NDST4: variants seen among roughly 807,000 people sequenced by gnomAD.
NDST4 encodes the protein N-deacetylase and N-sulfotransferase 4, also known as N-heparan sulfate sulfotransferase 4.
In NDST4, 63 loss-of-function variants were observed where a neutral mutation model predicts 100.8. The observed-to-expected ratio is 0.62, with a 90% CI of 0.51 to 0.77. The LOEUF is 0.77. Among genes scored for constraint, NDST4 ranks in the 30% least tolerant of loss-of-function variants. NDST4 has a pLI of 0.00. For missense variants in NDST4, 943 were observed against 1,018.4 expected, an observed-to-expected ratio of 0.93 and a Z score of 1.01; for synonymous variants, 377 against 361.8, an observed-to-expected ratio of 1.04 and a Z score of -0.48.
Position 115,041,083 on chromosome 4 carries a change from G to T in NDST4, c.978+34976C>A, listed in dbSNP as rs954654263. Among the ~76,000 whole-genome samples the T allele has an allele frequency of 2.0e-5, 3 of 151,972 alleles. No homozygotes were observed. In the South Asian group the frequency reaches 6.2e-4, roughly 31 times the overall value. ...CCAGCTATTAAATGAAGAAATAATT[G>T]CAATGTCACTATTTCACAACCCCTA... On this transcript the variant is annotated intron_variant, in intron 2 of 13. Transcript: ENST00000264363.
intron 11 of NDST4, among the ~76,000 whole-genome samples, chr4:114,836,165 T>C (rs1462950942): frequency 6.6e-6 from 1 of 152,186 alleles, no homozygotes; most frequent in Non-Finnish European, 1.5e-5. Context: ...TGATGCTAGC[T>C]GGTTATTTTG....
At chr4:114,946,230 G>C (rs1311131373) in intron 4 of NDST4, among the ~76,000 whole-genome samples, 4 of 152,028 alleles carry the variant, frequency 2.6e-5, no homozygotes, top group Non-Finnish European at 4.4e-5. Context: ...CAATCAACAT[G>C]TCCAACACAT....
At chr4:114,864,901 A>G (rs1723992552) in intron 7 of NDST4, among the ~76,000 whole-genome samples, 1 of 152,126 alleles carries the variant, frequency 6.6e-6, no homozygotes, top group Non-Finnish European at 1.5e-5. Flanking sequence ...TGCTTTAGAC[A>G]CAAAATGTTT....
At chr4:114,887,568 A>G (rs1326606187) in intron 6 of NDST4, among the ~76,000 whole-genome samples, 1 of 152,038 alleles carries the variant, frequency 6.6e-6, no homozygotes, top group African/African-American at 2.4e-5. Context: ...ATAAGCATTG[A>G]TGTCTGCTTG....
chr4:114,865,265 A>C (rs1724003427), intron 7 of NDST4, among the ~76,000 whole-genome samples: 1 of 152,158 alleles, frequency 6.6e-6, no homozygotes, highest in African/African-American at 2.4e-5. Context: ...GGATTTCACC[A>C]TATTGGCCAG....
intron 6 of NDST4, among the ~76,000 whole-genome samples, chr4:114,871,666 A>G (rs1043675291): frequency 6.6e-6 from 1 of 152,096 alleles, no homozygotes; most frequent in Admixed American, 6.6e-5. Flanking sequence ...TTTAAAAAAT[A>G]CTAAATAAAA....
At chr4:114,927,319 G>A (rs1450989162) in intron 6 of NDST4, among the ~76,000 whole-genome samples, 1 of 151,748 alleles carries the variant, frequency 6.6e-6, no homozygotes, top group Non-Finnish European at 1.5e-5. Context: ...AGTACAAGAT[G>A]AACTATTAGA....
Position 114,873,054 on chromosome 4 carries a change from A to T in NDST4, c.1537-2104T>A, listed in dbSNP as rs183380416. Among the ~76,000 whole-genome samples the T allele has an allele frequency of 4.6e-3, 683 of 148,100 alleles. 1 individual carries two copies. Among genetic ancestry groups the T allele is most frequent in the African/African-American group, 0.016 (590 of 37,920 alleles). On this transcript the variant is annotated intron_variant, in intron 6 of 13. Coordinates refer to ENST00000264363, the MANE Select transcript of NDST4 (RefSeq NM_022569.3). Reference sequence around the variant, plus strand: ...TTTTCTTTTTAAATTGGAATGAAAAAAGAAAAAAATATTTTGGAAACCTTA... The same window carrying T: ...TTTTCTTTTTAAATTGGAATGAAAATAGAAAAAAATATTTTGGAAACCTTA...
At chr4:115,027,451 A>T (rs1728011338) in intron 2 of NDST4, among the ~76,000 whole-genome samples, 1 of 152,118 alleles carries the variant, frequency 6.6e-6, no homozygotes, top group Admixed American at 6.5e-5. Flanking sequence ...GTCACTGTAT[A>T]TTTGAGGTGA....
intron 2 of NDST4, among the ~76,000 whole-genome samples, chr4:115,027,006 C>T (rs1375664215): frequency 2.0e-5 from 3 of 152,090 alleles, no homozygotes; most frequent in Admixed American, 6.6e-5. Context: ...CTGTTTAACT[C>T]CCAGCTTGGG....
At chr4:115,094,213 T>C (rs1033619408) in intron 1 of NDST4, among the ~76,000 whole-genome samples, 2 of 152,110 alleles carry the variant, frequency 1.3e-5, no homozygotes, top group Admixed American at 1.3e-4. Flanking sequence ...TATTAAAATG[T>C]AAGGTTTAGA....
chr4:114,838,996 C>T (rs1345719249), intron 11 of NDST4, among the ~76,000 whole-genome samples: 4 of 152,006 alleles, frequency 2.6e-5, no homozygotes, highest in Non-Finnish European at 5.9e-5. Flanking sequence ...TGTGGTGTTT[C>T]GTAAAGTTGT....
intron 7 of NDST4, among the ~76,000 whole-genome samples, chr4:114,868,138 G>C (rs1183906404): frequency 6.6e-6 from 1 of 152,076 alleles, no homozygotes; most frequent in Non-Finnish European, 1.5e-5. Context: ...AATAATAGTT[G>C]ACTTAGTTTT....
intron 2 of NDST4, among the ~76,000 whole-genome samples, chr4:115,057,478 T>C (rs1041897990): frequency 6.6e-6 from 1 of 152,006 alleles, no homozygotes; most frequent in African/African-American, 2.4e-5. Flanking sequence ...CCCAGCAATA[T>C]AGCAACCCAT....
chr4:115,024,433 A>T (rs1177863708), intron 2 of NDST4, among the ~76,000 whole-genome samples: 1 of 146,276 alleles, frequency 6.8e-6, no homozygotes, highest in Non-Finnish European at 1.5e-5. Flanking sequence ...CTTCAGATTT[A>T]TAACTGATTT....
chr4:114,996,344 C>A (rs898780624), intron 2 of NDST4, among the ~76,000 whole-genome samples: 1 of 151,986 alleles, frequency 6.6e-6, no homozygotes, highest in Non-Finnish European at 1.5e-5. Flanking sequence ...TGAGTCCCCC[C>A]AAATCATGCA....
intron 1 of NDST4, among the ~76,000 whole-genome samples, chr4:115,080,637 A>T (rs1729281126): frequency 7.1e-6 from 1 of 140,728 alleles, no homozygotes; most frequent in South Asian, 2.2e-4. Flanking sequence ...TCATATGTAA[A>T]TTTTTTAAAT....
intron 2 of NDST4, among the ~76,000 whole-genome samples, chr4:115,014,395 G>A (rs1727629808): frequency 6.6e-6 from 1 of 152,060 alleles, no homozygotes; most frequent in African/African-American, 2.4e-5. Context: ...TCCAACAAAA[G>A]TTCAGAGGCC....
chr4:114,998,832 C>T (rs1294354081), intron 2 of NDST4, among the ~76,000 whole-genome samples: 1 of 151,966 alleles, frequency 6.6e-6, no homozygotes, highest in South Asian at 2.1e-4. Flanking sequence ...TCCCTGTAGA[C>T]CTTGGGCTTG....
Sources: gnomAD v4.1 joint callset for allele counts (sites outside exome capture counted in the v4.1 genomes callset) on GRCh38, gnomAD v4.1.1 for gene constraint, MANE v1.5 for transcripts, NCBI Gene and HGNC (gene_info 2026-07-23, HGNC 2026-07-21) for gene names.